Variants in CFAP74 observed in about 807,000 individuals in gnomAD.
The protein encoded by CFAP74 is cilia- and flagella-associated protein 74.
In CFAP74, 124 loss-of-function variants were observed where a neutral mutation model predicts 188.9. The ratio of observed to expected loss-of-function variants is 0.66; its 90% CI spans 0.57 to 0.76. The LOEUF is 0.76. Among genes scored for constraint, CFAP74 ranks in the 30% least tolerant of loss-of-function variants. The pLI is 0.00. For missense variants in CFAP74, 2,198 were observed against 2,165.2 expected (o/e 1.02, Z -0.30); for synonymous variants, 956 against 916.7 (o/e 1.04, Z -0.77).
intron 6 of CFAP74, among the ~76,000 whole-genome samples, chr1:1,976,219 CG>C: frequency 6.6e-6 from 1 of 152,368 alleles, no homozygotes; most frequent in African/African-American, 2.4e-5. Flanking sequence ...GGTTTGGACG[CG>C]TGTCCCCCGC....
chr1:1,962,571 AAAAAT>A (rs577544163), intron 14 of CFAP74, among the ~76,000 whole-genome samples: 132 of 152,046 alleles, frequency 8.7e-4, no homozygotes, highest in African/African-American at 2.8e-3. Flanking sequence ...AAAAATGAAG[AAAAAT>A]AAAATAAAAG....
intron 4 of CFAP74, 145 bp from the exon 5 acceptor site, chr1:1,987,180 T>C: frequency 3.3e-6 from 2 of 602,058 alleles, no homozygotes; most frequent in Middle Eastern, 2.8e-4. Flanking sequence ...TCTAACACCT[T>C]CAAGCCACAC....
intron 18 of CFAP74, 53 bp downstream of exon 18, chr1:1,955,638 C>T (rs1211641784): frequency 6.2e-7 from 1 of 1,609,930 alleles, no homozygotes; most frequent in Non-Finnish European, 8.5e-7. Context: ...GGAATGCTGC[C>T]CTGAGGCCCT....
At chr1:1,970,437 G>C (rs1333882829) in intron 10 of CFAP74, among the ~76,000 whole-genome samples, 1 of 152,184 alleles carries the variant, frequency 6.6e-6, no homozygotes, top group African/African-American at 2.4e-5. Flanking sequence ...CCGAGGGTTG[G>C]GCGTGGACTG....
intron 25 of CFAP74, among the ~76,000 whole-genome samples, chr1:1,933,470 G>A (rs554884815): frequency 1.6e-4 from 24 of 152,156 alleles, no homozygotes; most frequent in Non-Finnish European, 2.2e-4. Context: ...GTGAGCCACC[G>A]CACCCGGCCC....
intron 4 of CFAP74, 99 bp from the exon 5 acceptor site, chr1:1,987,134 AC>A: frequency 2.1e-6 from 2 of 945,598 alleles, no homozygotes; most frequent in Non-Finnish European, 3.2e-6. Flanking sequence ...GCAGAGCCAG[AC>A]CCCCAGAGCC....
intron 9 of CFAP74, 31 bp downstream of exon 9, chr1:1,971,949 G>A: frequency 3.2e-6 from 5 of 1,558,930 alleles, no homozygotes; most frequent in Non-Finnish European, 4.4e-6. Flanking sequence ...GGGCGCCAAG[G>A]GAGAGGCTGG....
intron 6 of CFAP74, among the ~76,000 whole-genome samples, chr1:1,980,452 C>T (rs1466419924): frequency 6.9e-6 from 1 of 145,194 alleles, no homozygotes; most frequent in African/African-American, 2.6e-5. Flanking sequence ...GACGGGTGAA[C>T]GAGAGACTGT....
At chr1:1,944,132 G>A (rs887920078) in intron 21 of CFAP74, among the ~76,000 whole-genome samples, 199 bp downstream of exon 21, 4 of 152,324 alleles carry the variant, frequency 2.6e-5, no homozygotes, top group Non-Finnish European at 5.9e-5. Context: ...GACAGCAGCC[G>A]TGGCAGCCCC....
chr1:1,923,905 C>T lies in CFAP74; in HGVS notation c.4259G>A (p.Ser1420Asn). Residue 1420 changes from serine (S) to asparagine (N), a missense_variant, in exon 35 of 39, where the codon AGC becomes AAC. Coordinates refer to ENST00000682832, the MANE Select transcript of CFAP74 (RefSeq NM_001304360.2). The surrounding 1 kb of genome is among the most constrained non-coding windows in gnomAD (Gnocchi z 6.3). ...VVGTQNLNGQ[S>N]VFSVAPVKGV... The stretch of plus-strand genomic sequence containing the variant: ...CTTGACGGGGGCCACGCTGAACACG[C>T]TCTGACCGTTGAGATTCTGCGTCCC... 1 of 1,612,028 alleles carries T rather than the reference C, an allele frequency of 6.2e-7. No homozygotes were observed. Among genetic ancestry groups the T allele is most frequent in the Non-Finnish European group, 8.5e-7 (1 of 1,179,200 alleles).
At chr1:1,989,012 AGATC>A in intron 2 of CFAP74, 39 bp from the exon 3 acceptor site, 17 of 1,044,410 alleles carry the variant, frequency 1.6e-5, no homozygotes, top group East Asian at 2.4e-5. Context: ...AAAAAAAAGC[AGATC>A]AAACATTTGC....
chr1:1,933,586 T>C (rs755362176), intron 25 of CFAP74, among the ~76,000 whole-genome samples: 2 of 152,360 alleles, frequency 1.3e-5, no homozygotes, highest in Non-Finnish European at 2.9e-5. Flanking sequence ...ATGTTCATCA[T>C]GTTCTCTTCT....
chr1:1,998,543 T>C lies in CFAP74; in HGVS notation c.-20+5158A>G, dbSNP rs149126739. ...ATCATTCTCTTTACTTTTTTGACTT[T>C]GCAATTTTCCATAATAAAAGTTTTT... is the stretch of plus-strand genomic sequence containing the variant. On this transcript the variant is annotated intron_variant, in intron 1 of 38. Coordinates refer to ENST00000682832, the MANE Select transcript of CFAP74 (RefSeq NM_001304360.2). 3.7e-3 allele frequency among the ~76,000 whole-genome samples: 566 copies of C among 152,250 alleles called. 3 individuals are homozygous for C. Among genetic ancestry groups the C allele is most frequent in the African/African-American group, 0.013 (538 of 41,534 alleles).
At chr1:1,978,163 A>G (rs189963633) in intron 6 of CFAP74, among the ~76,000 whole-genome samples, 245 of 152,362 alleles carry the variant, frequency 1.6e-3, no homozygotes, top group African/African-American at 5.7e-3. Flanking sequence ...TGAGTGTGAC[A>G]GTGAGTGTGA....
At chr1:1,930,926 C>T (rs1192908010) in intron 25 of CFAP74, among the ~76,000 whole-genome samples, 1 of 152,158 alleles carries the variant, frequency 6.6e-6, no homozygotes, top group African/African-American at 2.4e-5. Context: ...TTATTTTAAC[C>T]ATTGGAAACT....
chr1:1,955,002 A>C lies in CFAP74; in HGVS notation c.2176+689T>G, dbSNP rs571626930. 74 of 1,127,262 alleles carry C rather than the reference A, an allele frequency of 6.6e-5. 1 individual carries two copies. The South Asian group carries it at 1.1e-3, about 17-fold the overall frequency. The allele number at this position is 1,127,262 out of a possible 1,614,324, so 69.8% of individuals were successfully genotyped here. On this transcript the variant is annotated intron_variant, in intron 18 of 38. Transcript: ENST00000682832. ...AGGCTCTCTCAGGAAAGGAAACGCC[A>C]CGCAGTGGTGAGGACAGGAAGTGCG...
At chr1:1,970,592 C>G (rs1309876987) in intron 10 of CFAP74, 67 bp downstream of exon 10, 14 of 1,519,890 alleles carry the variant, frequency 9.2e-6, no homozygotes, top group Non-Finnish European at 1.2e-5. Context: ...GCCGAACCCC[C>G]TTGGCTCTCC....
chr1:1,936,677 G>A lies in CFAP74; in HGVS notation c.3011+2178C>T, dbSNP rs1652919938. Among the ~76,000 whole-genome samples the A allele has an allele frequency of 4.6e-5, 7 of 152,236 alleles. 1 individual carries two copies. In the South Asian group the frequency reaches 1.4e-3, roughly 32 times the overall value. ...CCAGCACGTTGGGAGGCTGAAGCGG[G>A]AGGATCGCTTGAGGCTATGAATTCA... is the stretch of plus-strand genomic sequence containing the variant. On this transcript the variant is annotated intron_variant, in intron 25 of 38. Coordinates refer to ENST00000682832, the MANE Select transcript of CFAP74 (RefSeq NM_001304360.2).
intron 12 of CFAP74, 152 bp from the exon 13 acceptor site, chr1:1,965,213 G>GC: frequency 1.3e-6 from 1 of 748,170 alleles, no homozygotes; most frequent in Non-Finnish European, 2.1e-6. Context: ...GAGCCCCATG[G>GC]CCCGGGGAGT....
Sources: gnomAD v4.1 joint callset for allele counts (sites outside exome capture counted in the v4.1 genomes callset) on GRCh38, gnomAD v4.1.1 for gene constraint, Gnocchi (gnomAD v3.1) non-coding constraint, MANE v1.5 for transcripts, NCBI Gene and HGNC (gene_info 2026-07-23, HGNC 2026-07-21) for gene names.